The following PARD3B variants were observed in gnomAD, a reference collection of about 807,000 sequenced individuals.
The protein encoded by PARD3B is par-3 family cell polarity regulator beta, also known as partitioning defective 3 homolog B.
A neutral mutation model predicts 130.2 loss-of-function variants in PARD3B; 103 were observed. The observed-to-expected ratio is 0.79, with a 90% confidence interval of 0.67 to 0.93. The LOEUF is 0.93. Among genes scored for constraint, PARD3B ranks in the 40% least tolerant of loss-of-function variants. The pLI is 0.00. For synonymous variants in PARD3B, 583 were observed against 553.2 expected, an observed-to-expected ratio of 1.05 and a Z score of -0.76; for missense variants, 1,609 against 1,499.2, an observed-to-expected ratio of 1.07 and a Z score of -1.21.
At chr2:205,615,393 A>C in intron 22 of PARD3B, 63 bp from the exon 23 acceptor site, 1 of 1,407,738 alleles carries the variant, frequency 7.1e-7, no homozygotes, top group Non-Finnish European at 9.7e-7. Context: ...GCTGAGGAAC[A>C]TGTTCTCCAG....
chr2:205,381,737 A>G (rs1195409333), intron 18 of PARD3B, among the ~76,000 whole-genome samples: 2 of 151,980 alleles, frequency 1.3e-5, no homozygotes, highest in African/African-American at 2.4e-5. Flanking sequence ...TAATAAACCT[A>G]TATCTGAAAA....
chr2:204,977,979 A>G (rs1397523850), intron 3 of PARD3B, among the ~76,000 whole-genome samples: 1 of 152,152 alleles, frequency 6.6e-6, no homozygotes, highest in Non-Finnish European at 1.5e-5. Context: ...GCCACTTTCA[A>G]AGCTGAAGCT....
intron 2 of PARD3B, among the ~76,000 whole-genome samples, chr2:204,787,812 G>A (rs2042062581): frequency 6.6e-6 from 1 of 152,136 alleles, no homozygotes; most frequent in Admixed American, 6.6e-5. Context: ...TTGAATATAT[G>A]GACAGTAGTA....
At chr2:204,798,405 C>T (rs1007985918) in intron 2 of PARD3B, among the ~76,000 whole-genome samples, 9 of 152,152 alleles carry the variant, frequency 5.9e-5, no homozygotes, top group African/African-American at 2.2e-4. Flanking sequence ...TGCCAGCCCC[C>T]CCACAGCAGG....
intron 15 of PARD3B, among the ~76,000 whole-genome samples, chr2:205,210,924 C>G (rs2037596214): frequency 6.6e-6 from 1 of 151,984 alleles, no homozygotes; most frequent in Non-Finnish European, 1.5e-5. Flanking sequence ...CATTAAAGAT[C>G]AAATTTCAGC....
At chr2:204,784,038 G>T (rs1262381848) in intron 2 of PARD3B, among the ~76,000 whole-genome samples, 1 of 152,038 alleles carries the variant, frequency 6.6e-6, no homozygotes, top group Non-Finnish European at 1.5e-5. Flanking sequence ...AAAAAAGAGA[G>T]AATAGAATCA....
chr2:205,287,144 C>A lies in PARD3B; in HGVS notation c.2186-13386C>A, dbSNP rs567095201. On this transcript the variant is annotated intron_variant, in intron 16 of 22. Coordinates refer to ENST00000406610, the MANE Select transcript of PARD3B (RefSeq NM_001302769.2). This position sits in a 1 kb window ranked among gnomAD's most constrained non-coding sequence, Gnocchi z 4.8. ...TCTGTACTCACCATTCCTTCACCAG[C>A]AGTCTGCCCTGTTACTCAAGTGTCC... Among the ~76,000 whole-genome samples the A allele has an allele frequency of 9.1e-4, 138 of 152,342 alleles. 1 individual carries two copies. Among genetic ancestry groups the A allele is most frequent in the African/African-American group, 2.8e-3 (117 of 41,584 alleles).
In PARD3B at chr2:205,550,685, A is replaced by C. The variant is rs1205746005; in HGVS notation, c.3181-2639A>C. Reference sequence around the variant, plus strand: ...ACAAGACAGAAAATCCCTTAAGAATAAGGATCACCTTACATTTCATACAAT... The same window carrying C: ...ACAAGACAGAAAATCCCTTAAGAATCAGGATCACCTTACATTTCATACAAT... On this transcript the variant is annotated intron_variant, in intron 21 of 22. Coordinates refer to ENST00000406610, the MANE Select transcript of PARD3B (RefSeq NM_001302769.2). This position sits in a 1 kb window ranked among gnomAD's most constrained non-coding sequence, Gnocchi z 4.5. 6.6e-6 allele frequency among the ~76,000 whole-genome samples: 1 copy of C among 151,934 alleles called. No individual in the cohort carries two copies. The highest frequency in any genetic ancestry group is 1.5e-5 in the Non-Finnish European group (1 of 67,992).
In PARD3B at chr2:205,440,121, C is replaced by T. The variant is rs1221278723; in HGVS notation, c.2742-249C>T. Among the ~76,000 whole-genome samples, 3 of 152,120 alleles carry T rather than the reference C, an allele frequency of 2.0e-5. No individual in the cohort carries two copies. The highest frequency in any genetic ancestry group is 1.3e-4 in the Admixed American group (2 of 15,266). ...CCTCTGAAGCTACTATCAGCCTAGTCATCAGTGGGCAAGATATCAAAATAC... is the reference window on the plus strand; with the variant it reads ...CCTCTGAAGCTACTATCAGCCTAGTTATCAGTGGGCAAGATATCAAAATAC... On this transcript the variant is annotated intron_variant, in intron 19 of 22. Coordinates refer to ENST00000406610, the MANE Select transcript of PARD3B (RefSeq NM_001302769.2). The surrounding 1 kb of genome is among the most constrained non-coding windows in gnomAD (Gnocchi z 4.2).
intron 19 of PARD3B, among the ~76,000 whole-genome samples, chr2:205,428,552 A>G (rs2047222656): frequency 6.6e-6 from 1 of 152,020 alleles, no homozygotes; most frequent in South Asian, 2.1e-4. Flanking sequence ...TGAGAAATCC[A>G]TTTCTATTAT....
chr2:204,910,352 G>A (rs892712386), intron 2 of PARD3B, among the ~76,000 whole-genome samples: 1 of 152,078 alleles, frequency 6.6e-6, no homozygotes, highest in African/African-American at 2.4e-5. Flanking sequence ...GTTTTTTGTA[G>A]GGGAGGAGAA....
chr2:205,523,968 A>C (rs75799094), intron 21 of PARD3B, among the ~76,000 whole-genome samples: 5,520 of 151,996 alleles, frequency 0.036, 129 homozygotes, highest in Middle Eastern at 0.071. Flanking sequence ...GTACGTAACA[A>C]ATTTTTTTTT....
At chr2:204,910,797 A>G (rs763421768) in intron 2 of PARD3B, among the ~76,000 whole-genome samples, 2 of 151,940 alleles carry the variant, frequency 1.3e-5, no homozygotes, top group Non-Finnish European at 2.9e-5. Context: ...GTGCACCACT[A>G]CGCCTGGCTA....
rs73985036 is a variant in PARD3B, at chr2:205,507,999, G to A, written c.3180+7968G>A. 8.6e-3 allele frequency among the ~76,000 whole-genome samples: 1,308 copies of A among 152,138 alleles called. 15 individuals carry two copies. The highest frequency in any genetic ancestry group is 0.031 in the African/African-American group (1,268 of 41,498). The stretch of plus-strand genomic sequence containing the variant: ...GGCAAATGACATTTTAGTTCACCTC[G>A]GACCTAGCAATTCACCCCAGAACGA... On this transcript the variant is annotated intron_variant, in intron 21 of 22. Transcript: ENST00000406610.
chr2:205,210,300 T>C (rs1574400271), intron 15 of PARD3B, among the ~76,000 whole-genome samples: 2 of 152,210 alleles, frequency 1.3e-5, no homozygotes, highest in Admixed American at 1.3e-4. Context: ...TATACCTACC[T>C]GTGTTCTTAT....
At chr2:205,594,743 A>C (rs1441822238) in intron 22 of PARD3B, among the ~76,000 whole-genome samples, 1 of 152,138 alleles carries the variant, frequency 6.6e-6, no homozygotes, top group Non-Finnish European at 1.5e-5. Flanking sequence ...TGGGGATGGG[A>C]GTGTATAAAA....
intron 15 of PARD3B, among the ~76,000 whole-genome samples, chr2:205,243,166 CA>C (rs531145046): frequency 1.5e-3 from 206 of 136,844 alleles, no homozygotes; most frequent in Non-Finnish European, 1.4e-3. Context: ...AACTCCGTCT[CA>C]AAAAAAAAAA....
In PARD3B at chr2:205,021,592, T is replaced by G. The variant is rs1267834996; in HGVS notation, c.395-25989T>G. On this transcript the variant is annotated intron_variant, in intron 3 of 22. Coordinates refer to ENST00000406610, the MANE Select transcript of PARD3B (RefSeq NM_001302769.2). This position sits in a 1 kb window ranked among gnomAD's most constrained non-coding sequence, Gnocchi z 4.5. ...TATATGCTCTCTTCTCTCTCTCTTC[T>G]CTTCTCTCTCTCTCTCTCTCTCTCT... Among the ~76,000 whole-genome samples, 1 of 147,104 alleles carries G rather than the reference T, an allele frequency of 6.8e-6. No individual in the cohort carries two copies. Among genetic ancestry groups the G allele is most frequent in the African/African-American group, 2.6e-5 (1 of 39,020 alleles).
chr2:205,395,992 C>T (rs1266045227), intron 18 of PARD3B, among the ~76,000 whole-genome samples: 1 of 152,154 alleles, frequency 6.6e-6, no homozygotes, highest in Non-Finnish European at 1.5e-5. Context: ...ATTGGCTTTT[C>T]CATCTGCATC....
Sources: allele counts gnomAD v4.1 joint callset (sites outside exome capture counted in the v4.1 genomes callset), GRCh38; gene constraint gnomAD v4.1.1; non-coding constraint Gnocchi (gnomAD v3.1); transcripts MANE v1.5; gene names NCBI Gene and HGNC (gene_info 2026-07-23, HGNC 2026-07-21).